The following CSMD1 variants were observed in gnomAD, a reference collection of about 807,000 sequenced individuals.
CSMD1 encodes CUB and sushi domain-containing protein 1.
CSMD1 carries 213 observed loss-of-function variants against 417.5 expected under a neutral mutation model. The ratio of observed to expected loss-of-function variants is 0.51; its 90% CI spans 0.46 to 0.57. The LOEUF is 0.57. Ranked by LOEUF, CSMD1 falls within the 20% of genes least tolerant of loss-of-function variation. CSMD1 has a pLI of 0.00. For synonymous variants in CSMD1, 2,862 were observed against 1,736.8 expected, an observed-to-expected ratio of 1.65 and a Z score of -16.11; for missense variants, 6,923 against 4,529.7, an observed-to-expected ratio of 1.53 and a Z score of -15.17.
chr8:3,470,383 T>A (rs1188829989), intron 11 of CSMD1, among the ~76,000 whole-genome samples: 1 of 152,206 alleles, frequency 6.6e-6, no homozygotes, highest in Non-Finnish European at 1.5e-5. Context: ...ACACATGTGG[T>A]AGGTAGTACA....
chr8:4,441,615 C>T lies in CSMD1; in HGVS notation c.303-21550G>A, dbSNP rs368601019. On this transcript the variant is annotated intron_variant, in intron 2 of 69. Coordinates refer to ENST00000635120, the MANE Select transcript of CSMD1 (RefSeq NM_033225.6). ...CAATACATTTGATAATGCTGAAGTT[C>T]TTCACCACCTAGGTATTTAATTTTA... Among the ~76,000 whole-genome samples the T allele has an allele frequency of 6.8e-4, 103 of 152,216 alleles. 1 individual carries two copies. In the South Asian group the frequency reaches 0.015, roughly 22 times the overall value.
At chr8:4,534,776 T>C (rs1797015967) in intron 2 of CSMD1, among the ~76,000 whole-genome samples, 1 of 151,942 alleles carries the variant, frequency 6.6e-6, no homozygotes, top group Non-Finnish European at 1.5e-5. Flanking sequence ...TTCTTTCCTT[T>C]TTTTGAGGTG....
intron 3 of CSMD1, among the ~76,000 whole-genome samples, chr8:4,338,844 C>T (rs530784619): frequency 2.0e-5 from 3 of 152,058 alleles, no homozygotes; most frequent in Admixed American, 6.6e-5. Flanking sequence ...CTTTATATTA[C>T]TTTTTGAAAG....
In CSMD1 at chr8:3,439,154, C is replaced by CAAAAAAAAAAAAAA. The variant is rs1563390150; in HGVS notation, c.1562-29550_1562-29549insTTTTTTTTTTTTTT. Among the ~76,000 whole-genome samples, 213 of 26,572 alleles carry CAAAAAAAAAAAAAA rather than the reference C, an allele frequency of 8.0e-3. 41 individuals carry two copies. The highest frequency in any genetic ancestry group is 9.3e-3 in the African/African-American group (53 of 5,682). The allele number at this position is 26,572 out of a possible 152,430, so 17.4% of individuals were successfully genotyped here. The stretch of plus-strand genomic sequence containing the variant: ...AAAAAAAAAAAAAAAAAAAAAAAAC[C>CAAAAAAAAAAAAAA]AAGAAAAAAAAAAGAAAAAGAAAAA... On this transcript the variant is annotated intron_variant, in intron 12 of 69. Coordinates refer to ENST00000635120, the MANE Select transcript of CSMD1 (RefSeq NM_033225.6).
chr8:3,907,228 G>A (rs1584945354), intron 5 of CSMD1, among the ~76,000 whole-genome samples: 1 of 152,144 alleles, frequency 6.6e-6, no homozygotes, highest in East Asian at 1.9e-4. Context: ...AAAATTTCTT[G>A]GAAAAGTGGA....
At chr8:4,038,826 C>A (rs1312105035) in intron 3 of CSMD1, among the ~76,000 whole-genome samples, 1 of 152,128 alleles carries the variant, frequency 6.6e-6, no homozygotes, top group African/African-American at 2.4e-5. Context: ...TTCCACTGGA[C>A]CCCATGAAGC....
chr8:4,091,582 A>G (rs1434810231), intron 3 of CSMD1, among the ~76,000 whole-genome samples: 2 of 152,194 alleles, frequency 1.3e-5, no homozygotes, highest in East Asian at 1.9e-4. Context: ...CCTCAGTATT[A>G]TAATTGTAGG....
In CSMD1 at chr8:4,932,483, A is replaced by C. The variant is rs547335395; in HGVS notation, c.85+61849T>G. On this transcript the variant is annotated intron_variant, in intron 1 of 69. Transcript: ENST00000635120. ...AGAGAAATAATATACTACCTCATTA[A>C]GGCCTATTTCAATTAAAATGAGATA... Among the ~76,000 whole-genome samples, 6 of 152,328 alleles carry C rather than the reference A, an allele frequency of 3.9e-5. No individual in the cohort carries two copies. The East Asian group carries it at 7.7e-4, about 20-fold the overall frequency.
At chr8:4,878,967 G>A (rs1803222746) in intron 1 of CSMD1, among the ~76,000 whole-genome samples, 2 of 151,918 alleles carry the variant, frequency 1.3e-5, no homozygotes, top group Non-Finnish European at 2.9e-5. Flanking sequence ...ACAGTGAGAA[G>A]CAGGGAGAGG....
intron 12 of CSMD1, among the ~76,000 whole-genome samples, chr8:3,456,104 C>T (rs1398372648): frequency 6.6e-6 from 1 of 152,202 alleles, no homozygotes; most frequent in African/African-American, 2.4e-5. Flanking sequence ...GTAGGACCCT[C>T]AAAGCCAGGT....
intron 26 of CSMD1, among the ~76,000 whole-genome samples, chr8:3,264,326 T>C (rs996748586): frequency 5.3e-5 from 8 of 152,192 alleles, no homozygotes; most frequent in African/African-American, 1.7e-4. Context: ...TGTGAAGATC[T>C]GGTATTATAA....
intron 50 of CSMD1, among the ~76,000 whole-genome samples, chr8:3,043,166 G>A (rs1046770353): frequency 3.3e-5 from 5 of 151,150 alleles, no homozygotes; most frequent in African/African-American, 1.2e-4. Flanking sequence ...GATATATACA[G>A]ATTATATAGT....
intron 2 of CSMD1, among the ~76,000 whole-genome samples, chr8:4,634,830 A>T (rs1802729002): frequency 6.6e-6 from 1 of 152,126 alleles, no homozygotes; most frequent in African/African-American, 2.4e-5. Flanking sequence ...CAACACACCC[A>T]TTCCAATTTC....
intron 12 of CSMD1, among the ~76,000 whole-genome samples, chr8:3,432,236 A>C (rs575761811): frequency 2.0e-5 from 3 of 152,276 alleles, no homozygotes; most frequent in African/African-American, 7.2e-5. Flanking sequence ...GAAAAATAAA[A>C]CACCTTTTAA....
In CSMD1 at chr8:3,398,725, G is replaced by C. The variant is rs116102947; in HGVS notation, c.2405+666C>G. Among the ~76,000 whole-genome samples the C allele has an allele frequency of 3.2e-3, 480 of 152,214 alleles. 1 individual carries two copies. The highest frequency in any genetic ancestry group is 0.011 in the African/African-American group (460 of 41,548). On this transcript the variant is annotated intron_variant, in intron 16 of 69. Transcript: ENST00000635120. ...TGTTGCTCATGACAAAATCTTTTTA[G>C]TTTTTAATCATCAATTTGGTCTCAG...
At chr8:3,208,169 A>T (rs1227516040) in intron 30 of CSMD1, among the ~76,000 whole-genome samples, 1 of 152,232 alleles carries the variant, frequency 6.6e-6, no homozygotes, top group Non-Finnish European at 1.5e-5. Context: ...CTTTTTCCAT[A>T]AAACAATTAG....
At chr8:3,667,378 G>C (rs943050517) in intron 7 of CSMD1, among the ~76,000 whole-genome samples, 18 of 152,114 alleles carry the variant, frequency 1.2e-4, no homozygotes, top group Admixed American at 8.5e-4. Flanking sequence ...TTTGAGAAAG[G>C]TCTCGGAGGA....
At chr8:4,147,000 T>A (rs1804176855) in intron 3 of CSMD1, among the ~76,000 whole-genome samples, 1 of 151,860 alleles carries the variant, frequency 6.6e-6, no homozygotes, top group Admixed American at 6.6e-5. Context: ...TTCCTGTCCA[T>A]CCACTCAGAG....
At chr8:3,097,275 G>A in intron 46 of CSMD1, among the ~76,000 whole-genome samples, 1 of 152,062 alleles carries the variant, frequency 6.6e-6, no homozygotes, top group East Asian at 1.9e-4. Context: ...TTTGGCCCCT[G>A]CATCTCCCAC....
Sources: gnomAD v4.1 joint callset for allele counts (sites outside exome capture counted in the v4.1 genomes callset) on GRCh38, gnomAD v4.1.1 for gene constraint, MANE v1.5 for transcripts, NCBI Gene and HGNC (gene_info 2026-07-23, HGNC 2026-07-21) for gene names.